ANTXR2: variants seen among roughly 807,000 people sequenced by gnomAD.
ANTXR2 encodes ANTXR cell adhesion molecule 2.
Under a neutral mutation model 73.7 loss-of-function variants are expected in ANTXR2, and 44 were observed. The observed-to-expected ratio is 0.60, with a 90% CI of 0.47 to 0.77. The LOEUF (loss-of-function observed/expected upper bound fraction) is 0.77. Ranked by LOEUF, ANTXR2 falls within the 30% of genes least tolerant of loss-of-function variation. The pLI is 0.00. For missense variants in ANTXR2, 604 were observed against 592.5 expected (o/e 1.02, Z -0.20); for synonymous variants, 217 against 205.9 (o/e 1.05, Z -0.46).
chr4:79,921,728 G>A (rs535156744), intron 16 of ANTXR2, among the ~76,000 whole-genome samples: 1 of 140,426 alleles, frequency 7.1e-6, no homozygotes, highest in Non-Finnish European at 1.6e-5. Context: ...CTTAGTTACT[G>A]TGATGTTGTG....
intron 16 of ANTXR2, among the ~76,000 whole-genome samples, chr4:79,977,045 C>G (rs193181733): frequency 6.6e-6 from 1 of 152,290 alleles, no homozygotes; most frequent in Non-Finnish European, 1.5e-5. Context: ...AAAAATATAG[C>G]CTCAGACAGG....
At chr4:79,964,124 C>T (rs1729255686) in intron 16 of ANTXR2, among the ~76,000 whole-genome samples, 1 of 152,170 alleles carries the variant, frequency 6.6e-6, no homozygotes, top group Non-Finnish European at 1.5e-5. Context: ...GATTCTTCAA[C>T]CGCTGTATAC....
chr4:79,990,032 C>A (rs770701240), intron 12 of ANTXR2, among the ~76,000 whole-genome samples: 1 of 151,786 alleles, frequency 6.6e-6, no homozygotes, highest in Non-Finnish European at 1.5e-5. Flanking sequence ...TTATATTGAA[C>A]AGGCAAAAGA....
intron 7 of ANTXR2, among the ~76,000 whole-genome samples, chr4:80,047,650 C>T (rs758022272): frequency 1.2e-4 from 18 of 151,718 alleles, no homozygotes; most frequent in Non-Finnish European, 2.2e-4. Context: ...GGACCCTATA[C>T]ACTGATGCAA....
In ANTXR2 at chr4:79,983,649, AGG is replaced by A. The variant is rs1729980461; in HGVS notation, c.1179+227_1179+228del. Among the ~76,000 whole-genome samples the A allele has an allele frequency of 5.3e-5, 8 of 152,276 alleles. No individual in the cohort carries two copies. The South Asian group carries it at 1.7e-3, about 32-fold the overall frequency. On this transcript the variant is annotated intron_variant, in intron 14 of 16. Coordinates refer to ENST00000403729, the MANE Select transcript of ANTXR2 (RefSeq NM_058172.6). ...CTTTGTTTTGTCCCTTAGAATTCAG[AGG>A]TCTTATCAATGCAATCCTTTGACTA...
chr4:80,041,681 A>C (rs1733258079), intron 7 of ANTXR2, among the ~76,000 whole-genome samples: 1 of 151,908 alleles, frequency 6.6e-6, no homozygotes, highest in Non-Finnish European at 1.5e-5. Context: ...ATGTGACCTC[A>C]CAATTCAGCT....
At chr4:80,063,318 C>CA (rs1274460632) in intron 3 of ANTXR2, among the ~76,000 whole-genome samples, 1 of 152,116 alleles carries the variant, frequency 6.6e-6, no homozygotes, top group Non-Finnish European at 1.5e-5. Flanking sequence ...CTTTCATTAA[C>CA]AAAAAACCTC....
intron 7 of ANTXR2, among the ~76,000 whole-genome samples, chr4:80,050,453 G>A (rs923890412): frequency 5.9e-5 from 9 of 151,552 alleles, no homozygotes; most frequent in African/African-American, 2.2e-4. Flanking sequence ...GAAGGATCAG[G>A]AGCCCCATCA....
chr4:80,070,420 G>C (rs973637011), intron 2 of ANTXR2, among the ~76,000 whole-genome samples: 4 of 152,150 alleles, frequency 2.6e-5, no homozygotes, highest in African/African-American at 4.8e-5. Flanking sequence ...CATTGCTTTT[G>C]ATCAAAATCT....
At chr4:80,029,599 A>G (rs1475699303) in intron 10 of ANTXR2, among the ~76,000 whole-genome samples, 5 of 152,098 alleles carry the variant, frequency 3.3e-5, no homozygotes, top group African/African-American at 4.8e-5. Context: ...AGCAGGAAGT[A>G]GAAACATAAT....
At chr4:79,992,024 G>A (rs1730493377) in intron 12 of ANTXR2, among the ~76,000 whole-genome samples, 1 of 151,812 alleles carries the variant, frequency 6.6e-6, no homozygotes, top group Non-Finnish European at 1.5e-5. Flanking sequence ...TCACTACCTG[G>A]GTGATGAAAT....
At position 80,072,607 on chromosome 4, in the gene ANTXR2, G is replaced by A. The variant is rs1301869104; in HGVS notation, c.-47C>T. 3.5e-6 allele frequency: 5 copies of A among 1,417,018 alleles called. No individual in the cohort carries two copies. The highest frequency in any genetic ancestry group is 3.7e-6 in the Non-Finnish European group (4 of 1,085,014). The allele number at this position is 1,417,018 out of a possible 1,614,324, so 87.8% of individuals were successfully genotyped here. ...CTCCCTCCCGCTCGCAGTCCCCTAA[G>A]CTCAGGAGGGTCGCAAAGGTGGCGG... On this transcript the variant is annotated 5_prime_UTR_variant, in exon 1 of 17. Coordinates refer to ENST00000403729, the MANE Select transcript of ANTXR2 (RefSeq NM_058172.6).
intron 16 of ANTXR2, among the ~76,000 whole-genome samples, chr4:79,957,944 A>G (rs1262655290): frequency 6.6e-6 from 1 of 152,110 alleles, no homozygotes; most frequent in African/African-American, 2.4e-5. Flanking sequence ...TTAGGGCTGC[A>G]ATAGTGAAAT....
In ANTXR2 at chr4:80,067,528, C is replaced by CT. The variant is rs986118995; in HGVS notation, c.296+1907dup. Among the ~76,000 whole-genome samples, 111 of 152,116 alleles carry CT rather than the reference C, an allele frequency of 7.3e-4. 1 individual carries two copies. The highest frequency in any genetic ancestry group is 2.4e-3 in the African/African-American group (101 of 41,514). On this transcript the variant is annotated intron_variant, in intron 3 of 16. Coordinates refer to ENST00000403729, the MANE Select transcript of ANTXR2 (RefSeq NM_058172.6). Reference sequence around the variant, plus strand: ...GAATGCCATAAATGTTAAAATGGTTCTTTTTTTTCTGGATTGGCTAGATAC... The same window carrying CT: ...GAATGCCATAAATGTTAAAATGGTTCTTTTTTTTTCTGGATTGGCTAGATAC...
chr4:79,914,361 C>T (rs1293808601), intron 16 of ANTXR2, among the ~76,000 whole-genome samples: 1 of 152,084 alleles, frequency 6.6e-6, no homozygotes, highest in East Asian at 1.9e-4. Context: ...TTGACTTCGG[C>T]TTATTATTAT....
At position 80,045,995 on chromosome 4, in the gene ANTXR2, C is replaced by T. The variant is rs568785493; in HGVS notation, c.636+8277G>A. The stretch of plus-strand genomic sequence containing the variant: ...ATCAGTTGCTCAATACAGCACACAC[C>T]ACTCTGACTAGTTTCTAAATATGGA... On this transcript the variant is annotated intron_variant, in intron 7 of 16. Transcript: ENST00000403729. Among the ~76,000 whole-genome samples the T allele has an allele frequency of 9.2e-5, 14 of 151,830 alleles. 1 individual carries two copies. The South Asian group carries it at 2.7e-3, about 29-fold the overall frequency.
chr4:79,988,418 T>C (rs1284460589), intron 12 of ANTXR2, among the ~76,000 whole-genome samples: 1 of 151,706 alleles, frequency 6.6e-6, no homozygotes, highest in Non-Finnish European at 1.5e-5. Context: ...CATTGCATAA[T>C]GATAAAAGTT....
At chr4:80,051,842 T>C (rs1291964994) in intron 7 of ANTXR2, among the ~76,000 whole-genome samples, 2 of 151,710 alleles carry the variant, frequency 1.3e-5, no homozygotes, top group African/African-American at 4.8e-5. Flanking sequence ...ATCTTTGCTA[T>C]TAAGAAATTA....
At chr4:80,021,184 T>C (rs1026684142) in intron 10 of ANTXR2, among the ~76,000 whole-genome samples, 1 of 147,180 alleles carries the variant, frequency 6.8e-6, no homozygotes, top group Admixed American at 6.8e-5. Context: ...ATGGTTTAGC[T>C]AAATCCAGAA....
Sources: gnomAD v4.1 joint callset for allele counts (sites outside exome capture counted in the v4.1 genomes callset) on GRCh38, gnomAD v4.1.1 for gene constraint, MANE v1.5 for transcripts, NCBI Gene and HGNC (gene_info 2026-07-23, HGNC 2026-07-21) for gene names.